The following MATN3 variants were observed in gnomAD, a reference collection of about 807,000 sequenced individuals.
The protein encoded by MATN3 is matrilin 3.
Under a neutral mutation model 45.3 loss-of-function variants are expected in MATN3, and 48 were observed. The observed-to-expected ratio is 1.06, with a 90% CI of 0.84 to 1.35. The LOEUF is 1.35. MATN3 is among the 40% of genes most tolerant of loss of function. The probability of loss-of-function intolerance (pLI) is 0.00; values close to 1 mark genes in which losing one functional copy is unlikely to be tolerated. For missense variants in MATN3, 599 were observed against 628.0 expected (o/e 0.95, Z 0.49); for synonymous variants, 217 against 245.9 (o/e 0.88, Z 1.10).
rs997043431 is a variant in MATN3 at position 20,012,340 on chromosome 2, G to A, written c.223+69C>T. 1.9e-5 allele frequency: 22 copies of A among 1,162,060 alleles called. No individual in the cohort carries two copies. The African/African-American group carries it at 3.3e-4, about 18-fold the overall frequency. 72.0% of individuals were successfully genotyped at this position (1,162,060 alleles called of 1,614,324 possible). A position where few individuals can be genotyped will look rare whatever the true frequency, so the allele number is the denominator to read the frequency against. On this transcript the variant is annotated intron_variant, in intron 1 of 7. Transcript: ENST00000407540. The surrounding 1 kb of genome is among the most constrained non-coding windows in gnomAD (Gnocchi z 4.3). ...GGTCGGCCTGAGGCCGGGATGAAGCGCGCTTGGTGGATGCCCTGGGCTTCT... is the reference window on the plus strand; with the variant it reads ...GGTCGGCCTGAGGCCGGGATGAAGCACGCTTGGTGGATGCCCTGGGCTTCT...
intron 1 of MATN3, 96 bp from the exon 2 acceptor site, chr2:20,006,406 C>G: frequency 4.4e-6 from 4 of 910,212 alleles, no homozygotes; most frequent in Non-Finnish European, 6.5e-6. Context: ...GGCAAGGCAG[C>G]ATCTCCTGAC....
chr2:19,994,062 T>G (rs1396755911), intron 7 of MATN3, among the ~76,000 whole-genome samples: 1 of 152,224 alleles, frequency 6.6e-6, no homozygotes, highest in East Asian at 1.9e-4. Flanking sequence ...TATACAGTTA[T>G]GGAAAAGCAC....
chr2:20,003,022 G>A, intron 3 of MATN3, 139 bp downstream of exon 3: 1 of 873,652 alleles, frequency 1.1e-6, no homozygotes, highest in Non-Finnish European at 1.7e-6. Context: ...AGGGAAAACT[G>A]CTGATGAACA....
At position 20,012,291 on chromosome 2, in the gene MATN3, A is replaced by C. The variant is rs898208792; in HGVS notation, c.223+118T>G. On this transcript the variant is annotated intron_variant, in intron 1 of 7. Transcript: ENST00000407540. This position sits in a 1 kb window ranked among gnomAD's most constrained non-coding sequence, Gnocchi z 4.3. The stretch of plus-strand genomic sequence containing the variant: ...GTTTCCCCCACAGGATTCATCCGGG[A>C]GGGGCCTCTTTCCCCCGCACCACGG... The C allele has an allele frequency of 3.0e-4, 202 of 683,020 alleles. No homozygotes were observed. In the African/African-American group the frequency reaches 3.6e-3, roughly 12 times the overall value. The allele number at this position is 683,020 out of a possible 1,614,324, so 42.3% of individuals were successfully genotyped here. A position where few individuals can be genotyped will look rare whatever the true frequency, so the allele number is the denominator to read the frequency against.
intron 4 of MATN3, 48 bp downstream of exon 4, chr2:20,001,907 G>A (rs755619478): frequency 6.3e-7 from 1 of 1,584,318 alleles, no homozygotes; most frequent in Non-Finnish European, 8.6e-7. Context: ...CACCGGGTAG[G>A]TAGGCAGAGA....
intron 5 of MATN3, among the ~76,000 whole-genome samples, chr2:19,999,952 G>A (rs1287097753): frequency 3.3e-5 from 5 of 152,178 alleles, no homozygotes; most frequent in Non-Finnish European, 7.4e-5. Context: ...GGAGTGACTG[G>A]CCTCAAACTT....
At chr2:20,010,279 C>T (rs2103486127) in intron 1 of MATN3, among the ~76,000 whole-genome samples, 1 of 152,178 alleles carries the variant, frequency 6.6e-6, no homozygotes, top group South Asian at 2.1e-4. Context: ...AAATGGTGTC[C>T]TTATAAATAT....
chr2:20,006,191 T>C lies in MATN3; in HGVS notation c.343A>G (p.Ile115Val), dbSNP rs1048433304. ...GCCACCCGCGTGTCGGCTGGCCCAA[T>C]GTCCAGAGTGTCGATTATCCGGGAG... is the stretch of plus-strand genomic sequence containing the variant. ...FVSRIIDTLD[I>V]GPADTRVAVV... is the part of the protein sequence containing the mutation. The change falls in exon 2 of 8, where the codon ATT (isoleucine) becomes GTT (valine). Residue 115 changes from isoleucine (I) to valine (V), a missense_variant. Physicochemically the swap from Ile to Val is conservative, Grantham distance 29. Coordinates refer to ENST00000407540, the MANE Select transcript of MATN3 (RefSeq NM_002381.5). The C allele has an allele frequency of 2.5e-6, 4 of 1,613,920 alleles. No individual in the cohort carries two copies. The highest frequency in any genetic ancestry group is 2.2e-5 in the South Asian group (2 of 91,056).
intron 3 of MATN3, among the ~76,000 whole-genome samples, chr2:20,002,586 G>A (rs180725688): frequency 9.9e-5 from 15 of 152,146 alleles, no homozygotes; most frequent in Non-Finnish European, 1.8e-4. Context: ...TCTTGGACCC[G>A]TTTCTTTTCC....
At position 19,993,006 on chromosome 2, in the gene MATN3, G is replaced by A; in HGVS notation, c.*105C>T. 1 of 879,708 alleles carries A rather than the reference G, an allele frequency of 1.1e-6. No individual in the cohort carries two copies. Among genetic ancestry groups the A allele is most frequent in the Admixed American group, 2.0e-5 (1 of 50,900 alleles). 54.5% of individuals were successfully genotyped at this position (879,708 alleles called of 1,614,324 possible). ...ATATTCAAGCATTAATACAGATAAT[G>A]GCAAATTATTAGCAGGAACATTGGC... On this transcript the variant is annotated 3_prime_UTR_variant, in exon 8 of 8. Coordinates refer to ENST00000407540, the MANE Select transcript of MATN3 (RefSeq NM_002381.5).
intron 4 of MATN3, among the ~76,000 whole-genome samples, chr2:20,001,434 A>G (rs1051596297): frequency 2.0e-5 from 3 of 152,128 alleles, no homozygotes; most frequent in African/African-American, 7.2e-5. Context: ...TATTTTGTGA[A>G]CTGAGAGTGT....
chr2:19,997,472 C>T, intron 5 of MATN3: 1 of 461,284 alleles, frequency 2.2e-6, no homozygotes, highest in South Asian at 3.1e-5. Flanking sequence ...CACTCCTTTC[C>T]TTTATATCTC....
At chr2:20,007,899 C>T (rs1673140848) in intron 1 of MATN3, among the ~76,000 whole-genome samples, 1 of 152,228 alleles carries the variant, frequency 6.6e-6, no homozygotes, top group African/African-American at 2.4e-5. Context: ...CACACCCTCT[C>T]TCCTCGATAC....
rs1360078775 is a variant in MATN3 at position 19,992,850 on chromosome 2, A to G, written c.*261T>C. The G allele has an allele frequency of 1.2e-5, 5 of 425,754 alleles. No individual in the cohort carries two copies. The Admixed American group carries it at 1.4e-4, about 12-fold the overall frequency. The allele number at this position is 425,754 out of a possible 1,614,324, so 26.4% of individuals were successfully genotyped here. A position where few individuals can be genotyped will look rare whatever the true frequency, so the allele number is the denominator to read the frequency against. On this transcript the variant is annotated 3_prime_UTR_variant, in exon 8 of 8. Coordinates refer to ENST00000407540, the MANE Select transcript of MATN3 (RefSeq NM_002381.5). ...AAAGAAACACTAAACTTTTCATTCT[A>G]TTTCCTACCAATCATTTCACAGTCA...
At chr2:20,010,841 A>G (rs140759481) in intron 1 of MATN3, among the ~76,000 whole-genome samples, 1 of 152,364 alleles carries the variant, frequency 6.6e-6, no homozygotes, top group African/African-American at 2.4e-5. Context: ...TACAGTGGCC[A>G]TAGAAAACTA....
intron 2 of MATN3, 124 bp downstream of exon 2, chr2:20,005,620 G>T: frequency 1.3e-6 from 1 of 776,720 alleles, no homozygotes; most frequent in Non-Finnish European, 2.1e-6. Flanking sequence ...ACACACACAC[G>T]CATTGGATAT....
At chr2:20,001,479 GA>G (rs1216094229) in intron 4 of MATN3, among the ~76,000 whole-genome samples, 2 of 152,118 alleles carry the variant, frequency 1.3e-5, no homozygotes, top group Non-Finnish European at 2.9e-5. Context: ...TCATAATCCT[GA>G]ATTTTTAGCA....
chr2:20,008,017 C>T (rs1389557568), intron 1 of MATN3, among the ~76,000 whole-genome samples: 5 of 152,296 alleles, frequency 3.3e-5, no homozygotes, highest in South Asian at 2.1e-4. Context: ...GGCTGGAGTG[C>T]GGTGGTGCAA....
intron 5 of MATN3, among the ~76,000 whole-genome samples, chr2:19,999,469 C>G (rs889924116): frequency 6.6e-6 from 1 of 152,052 alleles, no homozygotes; most frequent in African/African-American, 2.4e-5. Flanking sequence ...AGTCCCTCTC[C>G]CTGGCTCAGT....
Sources: allele counts gnomAD v4.1 joint callset (sites outside exome capture counted in the v4.1 genomes callset), GRCh38; gene constraint gnomAD v4.1.1; non-coding constraint Gnocchi (gnomAD v3.1); transcripts MANE v1.5; gene names NCBI Gene and HGNC (gene_info 2026-07-23, HGNC 2026-07-21).